Variants in MOGS observed in about 807,000 individuals in gnomAD.
The protein encoded by MOGS is epididymis secretory sperm binding protein.
MOGS carries 45 observed loss-of-function variants against 68.5 expected under a neutral mutation model. The ratio of observed to expected loss-of-function variants is 0.66; its 90% CI spans 0.52 to 0.84. MOGS has a LOEUF of 0.84. Ranked by LOEUF, MOGS falls within the 40% of genes least tolerant of loss-of-function variation. The pLI is 0.00. For missense variants in MOGS, 1,020 were observed against 1,095.0 expected (o/e 0.93, Z 0.97); for synonymous variants, 492 against 461.2 (o/e 1.07, Z -0.86).
At chr2:74,464,307 T>A (rs1672006777) in intron 2 of MOGS, 189 bp downstream of exon 2, 1 of 608,426 alleles carries the variant, frequency 1.6e-6, no homozygotes, top group East Asian at 2.8e-5. Context: ...GCTATTATTA[T>A]CTACATTGTA....
chr2:74,462,172 G>A lies in MOGS; in HGVS notation c.1617C>T (p.Pro539=). 1 of 1,614,170 alleles carries A rather than the reference G, an allele frequency of 6.2e-7. No homozygotes were observed. The highest frequency in any genetic ancestry group is 1.3e-5 in the African/African-American group (1 of 75,050). The change falls in exon 4 of 4, where the codon CCC becomes CCT. Residue 539 remains proline (P), a synonymous_variant. Coordinates refer to ENST00000448666, the MANE Select transcript of MOGS (RefSeq NM_006302.3). ...GCCAGGAAAACCAGGCATGCAGGCG[G>A]GGCAAGGCCTTTCGGAGGAAAGCCA... ...DDLAFLRKAL[P]RLHAWFSWLH... is the part of the protein sequence containing the mutation.
Position 74,462,398 on chromosome 2 carries a change from G to T in MOGS, c.1391C>A (p.Pro464His). 16 of 1,613,978 alleles carry T rather than the reference G, an allele frequency of 9.9e-6. No individual in the cohort carries two copies. The highest frequency in any genetic ancestry group is 1.4e-5 in the Non-Finnish European group (16 of 1,179,956). The change falls in exon 4 of 4, where the codon CCC becomes CAC. Residue 464 changes from proline (P) to histidine (H), a missense_variant. By Grantham distance (77) the Pro-to-His change is moderately conservative (BLOSUM62 -2). This residue lies in a region of MOGS where 181 missense variants were observed against 261.8 expected (regional missense o/e 0.69). Transcript: ENST00000448666. ...FHQLVVQRWD[P>H]SLTREALGHW... ...GCCAAGGGCTTCCCGGGTGAGGGAG[G>T]GATCCCACCGCTGAACCACCAGCTG... is the stretch of plus-strand genomic sequence containing the variant.
Position 74,462,818 on chromosome 2 carries a change from A to AC in MOGS, c.970dup (p.Val324GlyfsTer14), listed in dbSNP as rs1286001463. ...TATGGAAATGGGAATTTTCAGGGTC[A>AC]CCTGCTGTATCAAGAACTGCCCCTG... On this transcript the variant is annotated frameshift_variant, in exon 4 of 4. Coordinates refer to ENST00000448666, the MANE Select transcript of MOGS (RefSeq NM_006302.3). LOFTEE classifies it high-confidence loss of function. 4 of 1,614,224 alleles carry AC rather than the reference A, an allele frequency of 2.5e-6. No individual in the cohort carries two copies. The East Asian group carries it at 8.9e-5, about 36-fold the overall frequency.
chr2:74,465,202 C>G lies in MOGS; in HGVS notation c.46G>C (p.Val16Leu). 1 of 1,510,844 alleles carries G rather than the reference C, an allele frequency of 6.6e-7. No homozygotes were observed. 93.6% of individuals were successfully genotyped at this position (1,510,844 alleles called of 1,614,324 possible). ...CGAGCCGCCCTCTCGGCTGTCCGCACTCCCTCTGCCGGCACTGCGCGGCGC... is the reference window on the plus strand; with the variant it reads ...CGAGCCGCCCTCTCGGCTGTCCGCAGTCCCTCTGCCGGCACTGCGCGGCGC... ...RRRRAVPAEG[V>L]RTAERAARGG... Residue 16 changes from valine to leucine, a missense_variant, in exon 1 of 4, where the codon GTG becomes CTG. Val to Leu is a conservative substitution (Grantham distance 32). Around this residue, in one of 3 missense-constraint regions of MOGS, gnomAD observed 569 missense variants for 571.9 expected, o/e 0.99. Coordinates refer to ENST00000448666, the MANE Select transcript of MOGS (RefSeq NM_006302.3).
At position 74,461,448 on chromosome 2, in the gene MOGS, C is replaced by T; in HGVS notation, c.2341G>A (p.Ala781Thr). 2 of 1,614,222 alleles carry T rather than the reference C, an allele frequency of 1.2e-6. No homozygotes were observed. Among genetic ancestry groups the T allele is most frequent in the Non-Finnish European group, 1.7e-6 (2 of 1,180,046 alleles). The change falls in exon 4 of 4, where the codon GCC becomes ACC. Residue 781 changes from alanine (A) to threonine (T), a missense_variant. Coordinates refer to ENST00000448666, the MANE Select transcript of MOGS (RefSeq NM_006302.3). ...GCACGGAGCTCACCGTGGAGTTTGG[C>T]AGCCCGAGCCTGGTGAGGACCCTCC... is the stretch of plus-strand genomic sequence containing the variant. ...HLEGPHQARAAKLHGELRANV... is the reference protein window; with the variant it reads ...HLEGPHQARATKLHGELRANV...
chr2:74,461,578 A>G lies in MOGS; in HGVS notation c.2211T>C (p.Phe737=), dbSNP rs2103976387. 6.2e-7 allele frequency: 1 copy of G among 1,613,972 alleles called. No homozygotes were observed. Among genetic ancestry groups the G allele is most frequent in the Admixed American group, 1.7e-5 (1 of 60,016 alleles). The change falls in exon 4 of 4, where the codon TTT becomes TTC. Residue 737 remains phenylalanine (F), a synonymous_variant. Coordinates refer to ENST00000448666, the MANE Select transcript of MOGS (RefSeq NM_006302.3). ...GLRSLAASSS[F]YGQRNSEHDP... is the part of the protein sequence containing the mutation. ...CATGCTCTGAATTGCGCTGGCCATA[A>G]AAGGAGCTGGAGGCTGCAAGGGAGC...
Position 74,461,526 on chromosome 2 carries a change from A to G in MOGS, c.2263T>C (p.Trp755Arg). The G allele has an allele frequency of 6.2e-7, 1 of 1,614,036 alleles. No homozygotes were observed. Among genetic ancestry groups the G allele is most frequent in the East Asian group, 2.2e-5 (1 of 44,880 alleles). Reference sequence around the variant, plus strand: ...AAAGCCAGGTAGTTGACATTGAGCCACACAGCACCCCGCCAGTAGGGGGGA... The same window carrying G: ...AAAGCCAGGTAGTTGACATTGAGCCGCACAGCACCCCGCCAGTAGGGGGGA... ...HDPPYWRGAV[W>R]LNVNYLALGA... The change falls in exon 4 of 4, where the codon TGG becomes CGG. Residue 755 changes from tryptophan (W) to arginine (R), a missense_variant. By Grantham distance (101) the Trp-to-Arg change is moderately radical. This residue lies in a region of MOGS where 270 missense variants were observed against 261.3 expected (regional missense o/e 1.03). Transcript: ENST00000448666.
At position 74,461,323 on chromosome 2, in the gene MOGS, G is replaced by A. The variant is rs757456184; in HGVS notation, c.2466C>T (p.Phe822=). 4 of 1,614,126 alleles carry A rather than the reference G, an allele frequency of 2.5e-6. No individual in the cohort carries two copies. In the South Asian group the frequency reaches 4.4e-5, roughly 18 times the overall value. Residue 822 remains phenylalanine, a synonymous_variant, in exon 4 of 4, where the codon TTC becomes TTT. Coordinates refer to ENST00000448666, the MANE Select transcript of MOGS (RefSeq NM_006302.3). ...GTAAGACAAGGCTGGTCCAGCCGTGGAAAGGGCGGCAGCCCATGCCTCGCC... is the reference window on the plus strand; with the variant it reads ...GTAAGACAAGGCTGGTCCAGCCGTGAAAAGGGCGGCAGCCCATGCCTCGCC... ...RDGRGMGCRP[F]HGWTSLVLLA...
At position 74,462,407 on chromosome 2, in the gene MOGS, C is replaced by T. The variant is rs200061009; in HGVS notation, c.1382G>A (p.Arg461Gln). The part of the protein sequence containing the change: ...DEGFHQLVVQ[R>Q]WDPSLTREAL... Reference sequence around the variant, plus strand: ...TTCCCGGGTGAGGGAGGGATCCCACCGCTGAACCACCAGCTGGTGAAAGCC... The same window carrying T: ...TTCCCGGGTGAGGGAGGGATCCCACTGCTGAACCACCAGCTGGTGAAAGCC... Residue 461 changes from arginine (R) to glutamine (Q), a missense_variant, in exon 4 of 4, where the codon CGG (arginine) becomes CAG (glutamine). Transcript: ENST00000448666. 8.7e-6 allele frequency: 14 copies of T among 1,613,906 alleles called. No homozygotes were observed. The highest frequency in any genetic ancestry group is 3.3e-5 in the Admixed American group (2 of 60,010).
In MOGS at chr2:74,461,823, C is replaced by A; in HGVS notation, c.1966G>T (p.Gly656Trp). 6.2e-7 allele frequency: 1 copy of A among 1,614,164 alleles called. No homozygotes were observed. Among genetic ancestry groups the A allele is most frequent in the South Asian group, 1.1e-5 (1 of 91,088 alleles). ...APELGVFADFGNHTKAVQLKP... is the reference protein window; with the variant it reads ...APELGVFADFWNHTKAVQLKP... Reference sequence around the variant, plus strand: ...AGCTGTACTGCTTTTGTGTGGTTCCCAAAGTCTGCAAAGACTCCTAGCTCT... The same window carrying A: ...AGCTGTACTGCTTTTGTGTGGTTCCAAAAGTCTGCAAAGACTCCTAGCTCT... Residue 656 changes from glycine to tryptophan, a missense_variant, in exon 4 of 4, where the codon GGG becomes TGG. Physicochemically the swap from Gly to Trp is radical, Grantham distance 184. Transcript: ENST00000448666.
chr2:74,463,116 C>T, intron 3 of MOGS, 74 bp downstream of exon 3: 2 of 1,610,034 alleles, frequency 1.2e-6, no homozygotes, highest in Non-Finnish European at 1.7e-6. Flanking sequence ...AGGTCTCAGG[C>T]AGGGGACATG....
Position 74,462,532 on chromosome 2 carries a change from C to T in MOGS, c.1257G>A (p.Gly419=), listed in dbSNP as rs1302448990. Residue 419 remains glycine, a synonymous_variant, in exon 4 of 4, where the codon GGG becomes GGA. Coordinates refer to ENST00000448666, the MANE Select transcript of MOGS (RefSeq NM_006302.3). ...GGGCTGGGTCCACCTTCTGCTCAGA[C>T]CCTTCCACCCCGATGTCTGGCAATA... is the stretch of plus-strand genomic sequence containing the variant. ...GLVLPDIGVE[G]SEQKVDPALF... 6.2e-7 allele frequency: 1 copy of T among 1,609,346 alleles called. No homozygotes were observed. The highest frequency in any genetic ancestry group is 2.2e-5 in the East Asian group (1 of 44,798).
At position 74,465,048 on chromosome 2, in the gene MOGS, C is replaced by T; in HGVS notation, c.200G>A (p.Arg67His). Residue 67 changes from arginine (R) to histidine (H), a missense_variant, in exon 1 of 4, where the codon CGT (arginine) becomes CAT (histidine). Transcript: ENST00000448666. ...MSGRWVLAWY[R>H]ARRAVTLHSA... Reference sequence around the variant, plus strand: ...GTGCAGCGTGACCGCCCGCCGCGCACGGTACCACGCCAGCACCCAGCGCCC... The same window carrying T: ...GTGCAGCGTGACCGCCCGCCGCGCATGGTACCACGCCAGCACCCAGCGCCC... 1 of 1,555,638 alleles carries T rather than the reference C, an allele frequency of 6.4e-7. No homozygotes were observed. The highest frequency in any genetic ancestry group is 8.7e-7 in the Non-Finnish European group (1 of 1,150,638).
rs1405953979 is a variant in MOGS at position 74,462,123 on chromosome 2, G to A, written c.1666C>T (p.Leu556=). The change falls in exon 4 of 4, where the codon CTG becomes TTG. Residue 556 remains leucine (L), a synonymous_variant. Transcript: ENST00000448666. ...SWLHQSQAGP[L]PLSYRWRGRD... is the part of the protein sequence containing the mutation. Reference sequence around the variant, plus strand: ...CCCCGCCAGCGGTAAGATAGTGGCAGTGGGCCTGCCTGGCTCTGATGGAGC... The same window carrying A: ...CCCCGCCAGCGGTAAGATAGTGGCAATGGGCCTGCCTGGCTCTGATGGAGC... 2.5e-6 allele frequency: 4 copies of A among 1,614,104 alleles called. No homozygotes were observed. The highest frequency in any genetic ancestry group is 2.5e-6 in the Non-Finnish European group (3 of 1,179,928).
rs747017460 is a variant in MOGS at position 74,465,200 on chromosome 2, C to T, written c.48G>A (p.Val16=). 4 of 1,529,862 alleles carry T rather than the reference C, an allele frequency of 2.6e-6. No homozygotes were observed. Among genetic ancestry groups the T allele is most frequent in the Non-Finnish European group, 3.5e-6 (4 of 1,149,676 alleles). 94.8% of individuals were successfully genotyped at this position (1,529,862 alleles called of 1,614,324 possible). A position where few individuals can be genotyped will look rare whatever the true frequency, so the allele number is the denominator to read the frequency against. ...CCCGAGCCGCCCTCTCGGCTGTCCG[C>T]ACTCCCTCTGCCGGCACTGCGCGGC... is the stretch of plus-strand genomic sequence containing the variant. ...RRRRAVPAEG[V]RTAERAARGG... Residue 16 remains valine (V), a synonymous_variant, in exon 1 of 4, where the codon GTG becomes GTA. Transcript: ENST00000448666.
chr2:74,461,567 C>T lies in MOGS; in HGVS notation c.2222G>A (p.Arg741His), dbSNP rs768870045. 33 of 1,613,822 alleles carry T rather than the reference C, an allele frequency of 2.0e-5. 1 individual carries two copies. Among genetic ancestry groups the T allele is most frequent in the South Asian group, 1.4e-4 (13 of 91,074 alleles). The change falls in exon 4 of 4, where the codon CGC becomes CAC. Residue 741 changes from arginine to histidine, a missense_variant. Physicochemically the swap from Arg to His is conservative, Grantham distance 29. This residue lies in a region of MOGS where 270 missense variants were observed against 261.3 expected (regional missense o/e 1.03). Transcript: ENST00000448666. Reference sequence around the variant, plus strand: ...GTAGGGGGGATCATGCTCTGAATTGCGCTGGCCATAAAAGGAGCTGGAGGC... The same window carrying T: ...GTAGGGGGGATCATGCTCTGAATTGTGCTGGCCATAAAAGGAGCTGGAGGC... ...LAASSSFYGQ[R>H]NSEHDPPYWR...
At chr2:74,464,220 A>G (rs1449687870) in intron 2 of MOGS, among the ~76,000 whole-genome samples, 1 of 151,854 alleles carries the variant, frequency 6.6e-6, no homozygotes, top group Admixed American at 6.6e-5. Context: ...CGGCCTCCCA[A>G]AGTACTGGGA....
chr2:74,461,575 A>G lies in MOGS; in HGVS notation c.2214T>C (p.Tyr738=). 4 of 1,614,006 alleles carry G rather than the reference A, an allele frequency of 2.5e-6. No homozygotes were observed. The highest frequency in any genetic ancestry group is 2.5e-6 in the Non-Finnish European group (3 of 1,179,890). Residue 738 remains tyrosine, a synonymous_variant, in exon 4 of 4, where the codon TAT becomes TAC. Transcript: ENST00000448666. The part of the protein sequence containing the change: ...LRSLAASSSF[Y]GQRNSEHDPP... ...GATCATGCTCTGAATTGCGCTGGCC[A>G]TAAAAGGAGCTGGAGGCTGCAAGGG...
At chr2:74,463,485 G>A in intron 2 of MOGS, 99 bp from the exon 3 acceptor site, 1 of 1,275,702 alleles carries the variant, frequency 7.8e-7, no homozygotes, top group South Asian at 1.2e-5. Context: ...AGGAACAGTA[G>A]GCAGGGGTAA....
Sources: allele counts gnomAD v4.1 joint callset (sites outside exome capture counted in the v4.1 genomes callset), GRCh38; gene constraint gnomAD v4.1.1; regional missense constraint gnomAD v4.1.1; transcripts MANE v1.5; gene names NCBI Gene and HGNC (gene_info 2026-07-23, HGNC 2026-07-21).